The following RRP7A variants were observed in gnomAD, a reference collection of about 807,000 sequenced individuals.
RRP7A encodes the protein ribosomal RNA-processing protein 7 homolog A.
Under a neutral mutation model 38.4 loss-of-function variants are expected in RRP7A, and 27 were observed. The ratio of observed to expected loss-of-function variants is 0.70; its 90% CI spans 0.52 to 0.97. The LOEUF is 0.97. Ranked by LOEUF, RRP7A falls within the 50% of genes least tolerant of loss-of-function variation. The pLI is 0.00. For missense variants in RRP7A, 327 were observed against 375.4 expected (o/e 0.87, Z 1.07); for synonymous variants, 124 against 150.3 (o/e 0.83, Z 1.28).
In RRP7A at chr22:42,519,715, T is replaced by C; in HGVS notation, c.72A>G (p.Ala24=). 1 of 1,454,930 alleles carries C rather than the reference T, an allele frequency of 6.9e-7. No homozygotes were observed. Among genetic ancestry groups the C allele is most frequent in the South Asian group, 1.3e-5 (1 of 75,170 alleles). 90.1% of individuals were successfully genotyped at this position (1,454,930 alleles called of 1,614,324 possible). A position where few individuals can be genotyped will look rare whatever the true frequency, so the allele number is the denominator to read the frequency against. Residue 24 remains alanine (A), a splice_region_variant and synonymous_variant, in exon 1 of 7, where the codon GCA becomes GCG. Transcript: ENST00000323013. ...GTCTCGCGTCCCGGAGCCCCTCACC[T>C]GCGTAGCCCAGTGGGCTGGGGATAC... The part of the protein sequence containing the change: ...EDRIPSPLGY[A]AIPIKFSEKQ...
At chr22:42,517,015 C>T (rs551519819) in intron 2 of RRP7A, among the ~76,000 whole-genome samples, 4 of 152,174 alleles carry the variant, frequency 2.6e-5, no homozygotes, top group African/African-American at 7.2e-5. Flanking sequence ...CGGTGGCTCA[C>T]GCATGTAATC....
chr22:42,519,478 C>G (rs949832083), intron 1 of RRP7A, among the ~76,000 whole-genome samples: 3 of 152,122 alleles, frequency 2.0e-5, no homozygotes, highest in Non-Finnish European at 4.4e-5. Context: ...GGCGGGCTCA[C>G]CCAAGGGAAG....
At position 42,509,140 on chromosome 22, in the gene RRP7A, C is replaced by T. The variant is rs765601081; in HGVS notation, c.*3770G>A. 6.2e-7 allele frequency: 1 copy of T among 1,613,828 alleles called. No individual in the cohort carries two copies. The highest frequency in any genetic ancestry group is 8.5e-7 in the Non-Finnish European group (1 of 1,179,780). On this transcript the variant is annotated 3_prime_UTR_variant, in exon 7 of 7. Transcript: ENST00000323013. Reference sequence around the variant, plus strand: ...GTCTGGACCCATCCCCTTCAGTCACCCCCCAAGGAGACATGGGCGCCAGGA... The same window carrying T: ...GTCTGGACCCATCCCCTTCAGTCACTCCCCAAGGAGACATGGGCGCCAGGA...
At chr22:42,515,692 C>A (rs1218728811) in intron 3 of RRP7A, among the ~76,000 whole-genome samples, 1 of 152,116 alleles carries the variant, frequency 6.6e-6, no homozygotes, top group Non-Finnish European at 1.5e-5. Context: ...TCCTGGAGAC[C>A]CGGCCCCCAA....
At chr22:42,514,520 A>G (rs1423535159) in intron 5 of RRP7A, among the ~76,000 whole-genome samples, 162 bp downstream of exon 5, 3 of 151,942 alleles carry the variant, frequency 2.0e-5, no homozygotes, top group Non-Finnish European at 4.4e-5. Context: ...TGGAGACTAC[A>G]TGTGTCACCC....
At chr22:42,514,804 C>T (rs779857844) in intron 4 of RRP7A, 25 bp from the exon 5 acceptor site, 19 of 1,569,980 alleles carry the variant, frequency 1.2e-5, no homozygotes, top group East Asian at 4.6e-5. Flanking sequence ...GCCAGGGAAA[C>T]GGGGCTTCCT....
Position 42,514,153 on chromosome 22 carries a change from T to C in RRP7A, c.710A>G (p.Glu237Gly), listed in dbSNP as rs771642399. The C allele has an allele frequency of 6.2e-7, 1 of 1,613,510 alleles. No individual in the cohort carries two copies. Among genetic ancestry groups the C allele is most frequent in the Admixed American group, 1.7e-5 (1 of 59,974 alleles). Residue 237 changes from glutamate to glycine, a missense_variant, in exon 6 of 7, where the codon GAG becomes GGG. Physicochemically the swap from Glu to Gly is moderately conservative, Grantham distance 98 (BLOSUM62 -2). Around this residue, in one of 5 missense-constraint regions of RRP7A, gnomAD observed 84 missense variants for 82.8 expected, o/e 1.01. Transcript: ENST00000323013. ...ERERRKRSRK[E>G]LLNFYAWQHR... ...CTGCCAGGCGTAGAAGTTGAGCAGC[T>C]CTTTTCGGCTGCGCTTCCGTCTCTC... is the stretch of plus-strand genomic sequence containing the variant.
chr22:42,516,560 G>C (rs1367040268), intron 2 of RRP7A: 2 of 350,616 alleles, frequency 5.7e-6, no homozygotes, highest in East Asian at 1.6e-4. Context: ...TGATCCGCCC[G>C]CCTCGGCCTC....
rs565110336 is a variant in RRP7A, at chr22:42,518,918, T to C, written c.74-771A>G. ...AATTAACAAGCATACAGCAAACTTGTATCAATTGTGAAAGAAACATTACAG... is the reference window on the plus strand; with the variant it reads ...AATTAACAAGCATACAGCAAACTTGCATCAATTGTGAAAGAAACATTACAG... On this transcript the variant is annotated intron_variant, in intron 1 of 6. Coordinates refer to ENST00000323013, the MANE Select transcript of RRP7A (RefSeq NM_015703.5). Among the ~76,000 whole-genome samples the C allele has an allele frequency of 8.5e-4, 129 of 151,338 alleles. 3 individuals carry two copies. The highest frequency in any genetic ancestry group is 1.5e-3 in the Non-Finnish European group (104 of 67,874).
rs1341292463 is a variant in RRP7A, at chr22:42,510,280, T to C, written c.*2630A>G. On this transcript the variant is annotated 3_prime_UTR_variant, in exon 7 of 7. Transcript: ENST00000323013. ...CCCGGCCAGGATTGTAGACTTTCAA[T>C]GGGAGGATTGTGAAGACATAAATTC... is the stretch of plus-strand genomic sequence containing the variant. The C allele has an allele frequency of 6.5e-6, 1 of 155,030 alleles. No homozygotes were observed. The highest frequency in any genetic ancestry group is 1.4e-5 in the Non-Finnish European group (1 of 69,942). 9.6% of individuals were successfully genotyped at this position (155,030 alleles called of 1,614,324 possible).
At position 42,516,092 on chromosome 22, in the gene RRP7A, A is replaced by C; in HGVS notation, c.261T>G (p.Ser87=). 2.5e-6 allele frequency: 4 copies of C among 1,613,764 alleles called. No homozygotes were observed. The highest frequency in any genetic ancestry group is 3.4e-6 in the Non-Finnish European group (4 of 1,179,810). The change falls in exon 3 of 7, where the codon TCT becomes TCG. Residue 87 remains serine (S), a synonymous_variant. Coordinates refer to ENST00000323013, the MANE Select transcript of RRP7A (RefSeq NM_015703.5). The stretch of plus-strand genomic sequence containing the variant: ...GGTCCGGCTTCTCCTGCAACTCTAC[A>C]GACTGGACGAGGCCACAGGTGGACA... ...RLLSTCGLVQ[S]VELQEKPDLA... is the part of the protein sequence containing the mutation.
In RRP7A at chr22:42,509,964, CT is replaced by C. The variant is rs60335800; in HGVS notation, c.*2945del. ...GTATTAAAAACCACGGGATTGTAGA[CT>C]TTTTTTTTTTTTTTTTTGAGATGGA... On this transcript the variant is annotated 3_prime_UTR_variant, in exon 7 of 7. Coordinates refer to ENST00000323013, the MANE Select transcript of RRP7A (RefSeq NM_015703.5). 48,622 of 121,386 alleles carry C rather than the reference CT, an allele frequency of 0.4. 9,517 individuals carry two copies. Among genetic ancestry groups the C allele is most frequent in the Admixed American group, 0.5 (5,715 of 11,408 alleles). 7.5% of individuals were successfully genotyped at this position (121,386 alleles called of 1,614,324 possible). A position where few individuals can be genotyped will look rare whatever the true frequency, so the allele number is the denominator to read the frequency against.
intron 6 of RRP7A, 114 bp from the exon 7 acceptor site, chr22:42,513,109 C>A: frequency 1.2e-6 from 1 of 835,502 alleles, no homozygotes; most frequent in South Asian, 1.4e-5. Context: ...ATGTCTCCCC[C>A]ACCAGCCCAT....
intron 2 of RRP7A, 71 bp from the exon 3 acceptor site, chr22:42,516,207 T>G (rs1293075906): frequency 6.3e-7 from 1 of 1,586,182 alleles, no homozygotes; most frequent in Non-Finnish European, 8.6e-7. Flanking sequence ...GCACCATGGG[T>G]GGCGCTGCCA....
At chr22:42,516,327 A>G (rs1265898471) in intron 2 of RRP7A, 191 bp from the exon 3 acceptor site, 2 of 730,420 alleles carry the variant, frequency 2.7e-6, no homozygotes, top group Admixed American at 2.1e-5. Flanking sequence ...GGAGGTTGAT[A>G]TTCCTGCTCT....
chr22:42,515,570 C>T (rs1270963498), intron 3 of RRP7A, among the ~76,000 whole-genome samples: 1 of 152,198 alleles, frequency 6.6e-6, no homozygotes, highest in Non-Finnish European at 1.5e-5. Flanking sequence ...TCGCCCTGGG[C>T]CAGGGCAGGT....
intron 2 of RRP7A, among the ~76,000 whole-genome samples, chr22:42,517,380 T>C (rs1447279127): frequency 1.3e-5 from 2 of 151,512 alleles, no homozygotes; most frequent in Non-Finnish European, 2.9e-5. Flanking sequence ...ACAGTTGTGT[T>C]TGGATAGAAT....
At position 42,510,905 on chromosome 22, in the gene RRP7A, G is replaced by A. The variant is rs1334572313; in HGVS notation, c.*2005C>T. Reference sequence around the variant, plus strand: ...AGTCCCTAGAGGCCTGGGGACACATGTAATCAGAATTTAAGAAACAGAGAC... The same window carrying A: ...AGTCCCTAGAGGCCTGGGGACACATATAATCAGAATTTAAGAAACAGAGAC... On this transcript the variant is annotated 3_prime_UTR_variant, in exon 7 of 7. Transcript: ENST00000323013. 6 of 611,586 alleles carry A rather than the reference G, an allele frequency of 9.8e-6. No individual in the cohort carries two copies. The highest frequency in any genetic ancestry group is 1.1e-5 in the Non-Finnish European group (5 of 460,938). The allele number at this position is 611,586 out of a possible 1,614,324, so 37.9% of individuals were successfully genotyped here. A position where few individuals can be genotyped will look rare whatever the true frequency, so the allele number is the denominator to read the frequency against.
rs757397232 is a variant in RRP7A at position 42,516,053 on chromosome 22, T to G, written c.300A>C (p.Pro100=). ...LQEKPDLAES[P]KESRSKFFHP... is the part of the protein sequence containing the mutation. ...GAAAAAACTTCGACCTTGACTCCTTTGGGCTCTCAGCCAGGTCCGGCTTCT... is the reference window on the plus strand; with the variant it reads ...GAAAAAACTTCGACCTTGACTCCTTGGGGCTCTCAGCCAGGTCCGGCTTCT... The change falls in exon 3 of 7, where the codon CCA becomes CCC. Residue 100 remains proline, a synonymous_variant. Coordinates refer to ENST00000323013, the MANE Select transcript of RRP7A (RefSeq NM_015703.5). 17 of 1,612,290 alleles carry G rather than the reference T, an allele frequency of 1.1e-5. No individual in the cohort carries two copies. The highest frequency in any genetic ancestry group is 1.4e-5 in the Non-Finnish European group (16 of 1,179,004).
Sources: gnomAD v4.1 joint callset for allele counts (sites outside exome capture counted in the v4.1 genomes callset) on GRCh38, gnomAD v4.1.1 for gene constraint, gnomAD v4.1.1 regional missense constraint, MANE v1.5 for transcripts, NCBI Gene and HGNC (gene_info 2026-07-23, HGNC 2026-07-21) for gene names.